LIPI: variants seen among roughly 807,000 people sequenced by gnomAD.
LIPI encodes the protein lipase I.
In LIPI, 59 loss-of-function variants were observed where a neutral mutation model predicts 50.6. That is an observed-to-expected ratio of 1.16 (90% CI 0.94 to 1.45). LIPI has a LOEUF of 1.45. LIPI is among the 40% of genes most tolerant of loss of function. The pLI, the probability that LIPI is intolerant of heterozygous loss-of-function variation, is 0.00. For synonymous variants in LIPI, 203 were observed against 178.2 expected, an observed-to-expected ratio of 1.14 and a Z score of -1.11; for missense variants, 586 against 536.3, an observed-to-expected ratio of 1.09 and a Z score of -0.92.
intron 9 of LIPI, among the ~76,000 whole-genome samples, chr21:14,130,606 A>G (rs2017256114): frequency 6.6e-6 from 1 of 152,174 alleles, no homozygotes; most frequent in African/African-American, 2.4e-5. Flanking sequence ...CTCTGGTCAC[A>G]AGCCCACACC....
chr21:14,124,534 G>C (rs934637481), intron 9 of LIPI, among the ~76,000 whole-genome samples: 2 of 151,988 alleles, frequency 1.3e-5, no homozygotes, highest in African/African-American at 4.8e-5. Flanking sequence ...CACCTCTCTA[G>C]GGCAGCTGCA....
intron 1 of LIPI, among the ~76,000 whole-genome samples, chr21:14,195,058 A>T (rs2019798826): frequency 6.6e-6 from 1 of 152,110 alleles, no homozygotes; most frequent in East Asian, 1.9e-4. Context: ...GGCCATTTCC[A>T]GACTGCTGTG....
chr21:14,166,537 T>C (rs1040934687), intron 4 of LIPI, 86 bp from the exon 5 acceptor site: 2 of 765,290 alleles, frequency 2.6e-6, no homozygotes, highest in South Asian at 1.4e-5. Context: ...TAAAATCCAT[T>C]GAAAGTTACT....
At position 14,108,861 on chromosome 21, in the gene LIPI, C is replaced by T; in HGVS notation, c.*132G>A. 9.3e-7 allele frequency: 1 copy of T among 1,074,522 alleles called. No individual in the cohort carries two copies. Among genetic ancestry groups the T allele is most frequent in the Non-Finnish European group, 1.4e-6 (1 of 732,070 alleles). The allele number at this position is 1,074,522 out of a possible 1,614,324, so 66.6% of individuals were successfully genotyped here. A position where few individuals can be genotyped will look rare whatever the true frequency, so the allele number is the denominator to read the frequency against. ...TTTTTTATTTTCTTTATTTTTGATT[C>T]TTAAAATTTTTTCCAAGAAATAGAA... is the stretch of plus-strand genomic sequence containing the variant. On this transcript the variant is annotated 3_prime_UTR_variant, in exon 10 of 10. Coordinates refer to ENST00000681601, the MANE Select transcript of LIPI (RefSeq NM_001302998.2).
chr21:14,152,091 A>T, intron 8 of LIPI, among the ~76,000 whole-genome samples: 1 of 150,298 alleles, frequency 6.7e-6, no homozygotes, highest in East Asian at 1.9e-4. Context: ...TTATTTATTT[A>T]TTTATTTATT....
chr21:14,189,016 T>G lies in LIPI; in HGVS notation c.432+18A>C. On this transcript the variant is annotated intron_variant, in intron 2 of 9. Transcript: ENST00000681601. Reference sequence around the variant, plus strand: ...TATATTGTATAGCATGTATAATACATAAAATTCCCAGACTTACCAAAAGAT... The same window carrying G: ...TATATTGTATAGCATGTATAATACAGAAAATTCCCAGACTTACCAAAAGAT... The G allele has an allele frequency of 6.3e-7, 1 of 1,594,934 alleles. No homozygotes were observed. The highest frequency in any genetic ancestry group is 8.5e-7 in the Non-Finnish European group (1 of 1,174,400).
chr21:14,133,596 T>C (rs934081114), intron 9 of LIPI, among the ~76,000 whole-genome samples: 5 of 152,180 alleles, frequency 3.3e-5, no homozygotes, highest in Non-Finnish European at 7.4e-5. Flanking sequence ...ACCACTCTTA[T>C]TCAACGCAGT....
At chr21:14,205,502 G>A (rs9975472) in intron 1 of LIPI, among the ~76,000 whole-genome samples, 3,799 of 151,612 alleles carry the variant, frequency 0.025, 149 homozygotes, top group African/African-American at 0.086. Flanking sequence ...ATGATATAGC[G>A]TATATATAAT....
chr21:14,149,161 G>A (rs145377067), intron 8 of LIPI, among the ~76,000 whole-genome samples: 7 of 152,230 alleles, frequency 4.6e-5, no homozygotes, highest in African/African-American at 1.4e-4. Context: ...TGCTGAGGAG[G>A]CCTCAGGAAA....
chr21:14,183,448 T>C (rs1165937373), intron 3 of LIPI, among the ~76,000 whole-genome samples: 1 of 152,118 alleles, frequency 6.6e-6, no homozygotes, highest in Non-Finnish European at 1.5e-5. Flanking sequence ...CCAAAAGCAA[T>C]GGCAACAAAA....
chr21:14,197,042 C>T (rs1431708321), intron 1 of LIPI, among the ~76,000 whole-genome samples: 1 of 150,694 alleles, frequency 6.6e-6, no homozygotes, highest in Non-Finnish European at 1.5e-5. Context: ...CACACACACA[C>T]ACACACATAC....
chr21:14,125,024 T>A (rs1326269601), intron 9 of LIPI, among the ~76,000 whole-genome samples: 1 of 152,032 alleles, frequency 6.6e-6, no homozygotes, highest in African/African-American at 2.4e-5. Flanking sequence ...TAGAATTATA[T>A]ACCCAGAGAA....
intron 2 of LIPI, 49 bp downstream of exon 2, chr21:14,188,985 G>T (rs775392644): frequency 2.2e-6 from 3 of 1,394,872 alleles, no homozygotes; most frequent in South Asian, 1.2e-5. Context: ...TGTATAGCAC[G>T]TATAATATAT....
At chr21:14,150,565 T>C (rs1206793060) in intron 8 of LIPI, among the ~76,000 whole-genome samples, 5 of 152,224 alleles carry the variant, frequency 3.3e-5, no homozygotes, top group Admixed American at 3.3e-4. Context: ...ATAAGTTTGA[T>C]GCTGAATAAT....
chr21:14,162,678 C>T (rs964662111), intron 7 of LIPI, among the ~76,000 whole-genome samples: 2 of 151,804 alleles, frequency 1.3e-5, no homozygotes, highest in African/African-American at 4.8e-5. Flanking sequence ...TGACAGGACA[C>T]ATCACTAATG....
chr21:14,190,606 A>G (rs968164061), intron 1 of LIPI, among the ~76,000 whole-genome samples: 3 of 152,232 alleles, frequency 2.0e-5, no homozygotes, highest in African/African-American at 7.2e-5. Flanking sequence ...GTCACAATTG[A>G]TTAGATGAAG....
chr21:14,199,804 A>G (rs1012445096), intron 1 of LIPI, among the ~76,000 whole-genome samples: 3 of 151,638 alleles, frequency 2.0e-5, no homozygotes, highest in Admixed American at 6.6e-5. Context: ...CAACACCACA[A>G]AAAACTTCAG....
At position 14,152,642 on chromosome 21, in the gene LIPI, A is replaced by G; in HGVS notation, c.1049T>C (p.Met350Thr). ...TTTAAATGAAAACGAGCCATCCATC[A>G]TAGTTTTATCTGGAACAATTATACT... ...VLSIIVPDKTMMDGSFSFKLL... is the reference protein window; with the variant it reads ...VLSIIVPDKTTMDGSFSFKLL... Residue 350 changes from methionine to threonine, a missense_variant, in exon 8 of 10, where the codon ATG becomes ACG. Physicochemically the swap from Met to Thr is moderately conservative, Grantham distance 81. Transcript: ENST00000681601. The G allele has an allele frequency of 3.2e-6, 5 of 1,579,720 alleles. No homozygotes were observed. The highest frequency in any genetic ancestry group is 1.1e-5 in the South Asian group (1 of 90,020).
At chr21:14,124,593 T>G (rs1162486136) in intron 9 of LIPI, among the ~76,000 whole-genome samples, 1 of 152,110 alleles carries the variant, frequency 6.6e-6, no homozygotes, top group Non-Finnish European at 1.5e-5. Flanking sequence ...ATGTGTAACA[T>G]GTAGTATAAA....
Sources: gnomAD v4.1 joint callset for allele counts (sites outside exome capture counted in the v4.1 genomes callset) on GRCh38, gnomAD v4.1.1 for gene constraint, MANE v1.5 for transcripts, NCBI Gene and HGNC (gene_info 2026-07-23, HGNC 2026-07-21) for gene names.